AGBL4: variants seen among roughly 807,000 people sequenced by gnomAD.
AGBL4 encodes the protein cytosolic carboxypeptidase 6.
AGBL4 carries 58 observed loss-of-function variants against 66.4 expected under a neutral mutation model. That is an observed-to-expected ratio of 0.87 (90% confidence interval 0.71 to 1.09). The LOEUF (loss-of-function observed/expected upper bound fraction) is 1.09, where lower values mean the gene tolerates loss of function less well. Ranked by LOEUF, AGBL4 falls within the 50% of genes least tolerant of loss-of-function variation. AGBL4 has a pLI of 0.00. For synonymous variants in AGBL4, 234 were observed against 222.9 expected (o/e 1.05, Z -0.44); for missense variants, 579 against 631.0 (o/e 0.92, Z 0.88).
chr1:49,797,178 T>C (rs925394012), intron 2 of AGBL4, among the ~76,000 whole-genome samples: 4 of 152,172 alleles, frequency 2.6e-5, no homozygotes, highest in Non-Finnish European at 5.9e-5. Flanking sequence ...TTCACAAAAA[T>C]ATTTTAAGAA....
At chr1:49,007,370 GACTATGTGAAAAGACCAAATCTACGT>G (rs1454065013) in intron 5 of AGBL4, among the ~76,000 whole-genome samples, 1 of 149,298 alleles carries the variant, frequency 6.7e-6, no homozygotes, top group Non-Finnish European at 1.5e-5. Flanking sequence ...AGAAATATGG[GACTATGTGAAAAGACCAAATCTACGT>G]CTGACTGGTG....
chr1:48,559,330 G>T (rs560995710), intron 11 of AGBL4, among the ~76,000 whole-genome samples: 1 of 152,122 alleles, frequency 6.6e-6, no homozygotes, highest in Non-Finnish European at 1.5e-5. Flanking sequence ...CTGTATGCAG[G>T]AAGATGTGAG....
intron 4 of AGBL4, among the ~76,000 whole-genome samples, chr1:49,138,383 C>T (rs1339652698): frequency 1.3e-5 from 2 of 151,974 alleles, no homozygotes; most frequent in Non-Finnish European, 2.9e-5. Flanking sequence ...CTTAAAACAT[C>T]GTTTCTTCTT....
intron 9 of AGBL4, among the ~76,000 whole-genome samples, chr1:48,604,041 G>A (rs1039715365): frequency 6.6e-6 from 1 of 152,270 alleles, no homozygotes; most frequent in South Asian, 2.1e-4. Context: ...GCTGAGGCAC[G>A]AGAATTGCTT....
chr1:49,043,668 A>T (rs1203038898), intron 5 of AGBL4, among the ~76,000 whole-genome samples: 1 of 152,180 alleles, frequency 6.6e-6, no homozygotes, highest in Non-Finnish European at 1.5e-5. Context: ...CCAATTATCA[A>T]TTCAAAATAT....
intron 3 of AGBL4, among the ~76,000 whole-genome samples, chr1:49,557,237 A>G (rs1008674876): frequency 1.3e-5 from 2 of 152,126 alleles, no homozygotes; most frequent in Non-Finnish European, 2.9e-5. Context: ...AGAGCGAGCG[A>G]GGGCTGCTAG....
At chr1:48,861,068 G>A (rs1033686857) in intron 6 of AGBL4, among the ~76,000 whole-genome samples, 5 of 152,006 alleles carry the variant, frequency 3.3e-5, no homozygotes, top group Non-Finnish European at 5.9e-5. Context: ...AAGAACAGGT[G>A]GGTATGAATA....
At chr1:49,995,242 T>C in intron 1 of AGBL4, 1 of 455,896 alleles carries the variant, frequency 2.2e-6, no homozygotes, top group South Asian at 1.5e-5. Flanking sequence ...GTGGAGAGGC[T>C]TGGAGCCTGA....
intron 6 of AGBL4, among the ~76,000 whole-genome samples, chr1:48,740,136 A>G (rs1013809316): frequency 2.0e-5 from 3 of 152,240 alleles, no homozygotes; most frequent in African/African-American, 7.2e-5. Flanking sequence ...CATTCACTCA[A>G]GTACAAGGCC....
intron 1 of AGBL4, among the ~76,000 whole-genome samples, chr1:49,906,562 C>T (rs761635344): frequency 6.6e-6 from 1 of 151,994 alleles, no homozygotes; most frequent in Non-Finnish European, 1.5e-5. Flanking sequence ...CCATTATTGG[C>T]TAACAGCCAA....
At chr1:48,593,489 T>C (rs1173670509) in intron 9 of AGBL4, among the ~76,000 whole-genome samples, 1 of 152,184 alleles carries the variant, frequency 6.6e-6, no homozygotes, top group African/African-American at 2.4e-5. Context: ...CAGTGGCTCA[T>C]GCCTGTAATC....
chr1:49,657,934 G>T (rs1170824031), intron 3 of AGBL4, among the ~76,000 whole-genome samples: 2 of 152,150 alleles, frequency 1.3e-5, no homozygotes, highest in Non-Finnish European at 2.9e-5. Context: ...TCCCATTCAG[G>T]ATATAGGCAT....
intron 6 of AGBL4, among the ~76,000 whole-genome samples, chr1:48,866,461 T>C (rs1169314658): frequency 2.6e-5 from 4 of 152,178 alleles, no homozygotes; most frequent in African/African-American, 9.7e-5. Flanking sequence ...ATATCACCCA[T>C]GGATGAAGAT....
At chr1:48,606,728 G>A (rs1299652601) in intron 9 of AGBL4, among the ~76,000 whole-genome samples, 2 of 152,146 alleles carry the variant, frequency 1.3e-5, no homozygotes, top group Non-Finnish European at 1.5e-5. Context: ...GACTACTGCA[G>A]TAGGCTCCCA....
At chr1:49,754,022 T>C (rs908440457) in intron 2 of AGBL4, among the ~76,000 whole-genome samples, 3 of 152,194 alleles carry the variant, frequency 2.0e-5, no homozygotes, top group Non-Finnish European at 2.9e-5. Context: ...AACATGCTCC[T>C]TTAGCTCAGA....
At chr1:49,404,641 A>C (rs1557909148) in intron 3 of AGBL4, among the ~76,000 whole-genome samples, 2 of 152,186 alleles carry the variant, frequency 1.3e-5, no homozygotes, top group Non-Finnish European at 2.9e-5. Flanking sequence ...TCCAAAGTCT[A>C]CCACAATTTT....
intron 3 of AGBL4, among the ~76,000 whole-genome samples, chr1:49,259,821 C>T (rs1652937442): frequency 1.4e-4 from 17 of 120,948 alleles, no homozygotes; most frequent in African/African-American, 5.3e-4. Flanking sequence ...TAGACATCTA[C>T]AGAACTCTCC....
intron 2 of AGBL4, among the ~76,000 whole-genome samples, chr1:49,826,391 A>G (rs180953514): frequency 1.3e-5 from 2 of 152,374 alleles, no homozygotes; most frequent in Admixed American, 1.3e-4. Context: ...TTTCAAATAC[A>G]AACCTTCTGT....
rs114443658 is a variant in AGBL4, at chr1:48,787,908, A to G, written c.634+79283T>C. Reference sequence around the variant, plus strand: ...AGACCCTACCTCCCACCCTGCTAACATATTTGGCCACATTGCTGGGCCATC... The same window carrying G: ...AGACCCTACCTCCCACCCTGCTAACGTATTTGGCCACATTGCTGGGCCATC... On this transcript the variant is annotated intron_variant, in intron 6 of 13. Coordinates refer to ENST00000371839, the MANE Select transcript of AGBL4 (RefSeq NM_032785.4). 3.8e-3 allele frequency among the ~76,000 whole-genome samples: 586 copies of G among 152,310 alleles called. 2 individuals carry two copies. Among genetic ancestry groups the G allele is most frequent in the African/African-American group, 0.013 (541 of 41,572 alleles).
Sources: gnomAD v4.1 joint callset for allele counts (sites outside exome capture counted in the v4.1 genomes callset) on GRCh38, gnomAD v4.1.1 for gene constraint, MANE v1.5 for transcripts, NCBI Gene and HGNC (gene_info 2026-07-23, HGNC 2026-07-21) for gene names.